The following ELP4 variants were observed in gnomAD, a reference collection of about 807,000 sequenced individuals.
ELP4 encodes elongator complex protein 4.
ELP4 carries 51 observed loss-of-function variants against 48.9 expected under a neutral mutation model. The ratio of observed to expected loss-of-function variants is 1.04; its 90% confidence interval spans 0.83 to 1.32. ELP4 has a LOEUF of 1.32. Among genes scored for constraint, ELP4 ranks in the 40% most tolerant of loss-of-function variants. The pLI is 0.00. For synonymous variants in ELP4, 210 were observed against 189.2 expected, an observed-to-expected ratio of 1.11 and a Z score of -0.90; for missense variants, 519 against 514.6, an observed-to-expected ratio of 1.01 and a Z score of -0.08.
At chr11:31,579,311 A>C (rs956887345) in intron 3 of ELP4, among the ~76,000 whole-genome samples, 10 of 152,222 alleles carry the variant, frequency 6.6e-5, no homozygotes, top group Admixed American at 3.9e-4. Context: ...ATGTGGAGAC[A>C]CAGGAACACT....
intron 9 of ELP4, among the ~76,000 whole-genome samples, chr11:31,749,979 CT>C (rs1212783851): frequency 1.3e-5 from 2 of 151,978 alleles, no homozygotes; most frequent in Non-Finnish European, 2.9e-5. Context: ...CCTCAGCCTC[CT>C]GAGTAGCTGG....
intron 5 of ELP4, among the ~76,000 whole-genome samples, chr11:31,613,235 A>T (rs1470314534): frequency 6.6e-6 from 1 of 152,176 alleles, no homozygotes; most frequent in Non-Finnish European, 1.5e-5. Context: ...AAATAGCAGA[A>T]TCCTATTTAC....
At chr11:31,694,109 G>A (rs1946345923) in intron 9 of ELP4, among the ~76,000 whole-genome samples, 1 of 152,066 alleles carries the variant, frequency 6.6e-6, no homozygotes, top group African/African-American at 2.4e-5. Context: ...CCATTCTGTA[G>A]GTTGCCTGTT....
At chr11:31,671,612 A>G (rs1022870559) in intron 9 of ELP4, among the ~76,000 whole-genome samples, 2 of 152,202 alleles carry the variant, frequency 1.3e-5, no homozygotes, top group Non-Finnish European at 2.9e-5. Flanking sequence ...TGAAAGGCAT[A>G]CAACAAAAAC....
intron 5 of ELP4, among the ~76,000 whole-genome samples, chr11:31,604,262 A>G (rs1245002798): frequency 6.6e-6 from 1 of 151,850 alleles, no homozygotes; most frequent in Non-Finnish European, 1.5e-5. Flanking sequence ...TGTATTGATA[A>G]TAATAGCAAT....
rs748381549 is a variant in ELP4, at chr11:31,784,928, G to C, written c.*1404G>C. ...TCAAAATCAAAAAGACAACTATTTT[G>C]TCACCCGCTATTTCATTAGTACTAA... On this transcript the variant is annotated 3_prime_UTR_variant, in exon 10 of 10. Transcript: ENST00000640961. 1.1e-5 allele frequency: 2 copies of C among 180,204 alleles called. No homozygotes were observed. Among genetic ancestry groups the C allele is most frequent in the Non-Finnish European group, 2.4e-5 (2 of 84,294 alleles). The allele number at this position is 180,204 out of a possible 1,614,324, so 11.2% of individuals were successfully genotyped here. A position where few individuals can be genotyped will look rare whatever the true frequency, so the allele number is the denominator to read the frequency against.
At chr11:31,628,502 A>G (rs778008795) in intron 6 of ELP4, 9 of 151,918 alleles carry the variant, frequency 5.9e-5, no homozygotes, top group Non-Finnish European at 1.3e-4. Flanking sequence ...TAAGTAAGCT[A>G]GTATAGGAAT....
At chr11:31,715,878 A>T (rs1946832798) in intron 9 of ELP4, among the ~76,000 whole-genome samples, 1 of 152,216 alleles carries the variant, frequency 6.6e-6, no homozygotes, top group Non-Finnish European at 1.5e-5. Context: ...CTTTACTAAA[A>T]TAAAATTCAA....
At chr11:31,646,432 A>T (rs1165795779) in intron 7 of ELP4, 1 of 151,802 alleles carries the variant, frequency 6.6e-6, no homozygotes, top group African/African-American at 2.4e-5. Context: ...ATGTTTGGTG[A>T]CACAGGCTAC....
chr11:31,726,898 A>C (rs1947088347), intron 9 of ELP4, among the ~76,000 whole-genome samples: 1 of 152,212 alleles, frequency 6.6e-6, no homozygotes, highest in Admixed American at 6.5e-5. Context: ...ACAGAAACAT[A>C]ATTTATAATG....
chr11:31,768,271 A>T (rs971069407), intron 9 of ELP4, among the ~76,000 whole-genome samples: 3 of 152,218 alleles, frequency 2.0e-5, no homozygotes, highest in Non-Finnish European at 4.4e-5. Context: ...GCATTTATCA[A>T]ATAATACTAA....
At chr11:31,704,228 A>G (rs1257142503) in intron 9 of ELP4, among the ~76,000 whole-genome samples, 1 of 143,740 alleles carries the variant, frequency 7.0e-6, no homozygotes, top group Non-Finnish European at 1.5e-5. Flanking sequence ...CTCAGCAACT[A>G]AAAAAAAAAA....
chr11:31,534,991 G>T (rs537854317), intron 2 of ELP4, among the ~76,000 whole-genome samples: 8 of 152,126 alleles, frequency 5.3e-5, no homozygotes, highest in Non-Finnish European at 1.0e-4. Context: ...TCCCATAGTT[G>T]TCTCTGCTAG....
At chr11:31,524,673 A>C (rs1956270131) in intron 2 of ELP4, among the ~76,000 whole-genome samples, 2 of 152,172 alleles carry the variant, frequency 1.3e-5, no homozygotes, top group East Asian at 1.9e-4. Flanking sequence ...AAAACTAAGC[A>C]CTCTTAATAG....
intron 9 of ELP4, among the ~76,000 whole-genome samples, chr11:31,706,815 T>C (rs1052647659): frequency 6.6e-6 from 1 of 152,074 alleles, no homozygotes; most frequent in Non-Finnish European, 1.5e-5. Flanking sequence ...CTCCCACATA[T>C]GAGTGAGAAC....
chr11:31,565,096 G>C (rs536747372), intron 3 of ELP4, among the ~76,000 whole-genome samples: 1 of 152,180 alleles, frequency 6.6e-6, no homozygotes, highest in Non-Finnish European at 1.5e-5. Context: ...GTATCTCATT[G>C]TGGTTTTGAT....
intron 2 of ELP4, among the ~76,000 whole-genome samples, chr11:31,538,378 T>C (rs2133904271): frequency 6.7e-6 from 1 of 148,260 alleles, no homozygotes; most frequent in South Asian, 2.1e-4. Flanking sequence ...ATAACTACAA[T>C]ATAATTATAT....
intron 5 of ELP4, among the ~76,000 whole-genome samples, chr11:31,624,898 T>A (rs559093638): frequency 7.9e-5 from 12 of 151,712 alleles, no homozygotes; most frequent in Non-Finnish European, 1.6e-4. Context: ...TACCTCCACA[T>A]CTTTTCCCAC....
At chr11:31,771,968 C>T (rs929901167) in intron 9 of ELP4, among the ~76,000 whole-genome samples, 1 of 151,608 alleles carries the variant, frequency 6.6e-6, no homozygotes, top group Admixed American at 6.6e-5. Flanking sequence ...GGCGACAGAG[C>T]GAGACTCCGT....
Sources: gnomAD v4.1 joint callset for allele counts (sites outside exome capture counted in the v4.1 genomes callset) on GRCh38, gnomAD v4.1.1 for gene constraint, MANE v1.5 for transcripts, NCBI Gene and HGNC (gene_info 2026-07-23, HGNC 2026-07-21) for gene names.